Variants in VWF observed in about 807,000 individuals in gnomAD.
VWF encodes Factor VIII related antigen.
In VWF, 176 loss-of-function variants were observed where a neutral mutation model predicts 308.6. That is an observed-to-expected ratio of 0.57 (90% confidence interval 0.50 to 0.65). The LOEUF is 0.65. Among genes scored for constraint, VWF ranks in the 30% least tolerant of loss-of-function variants. The pLI is 0.00. For synonymous variants in VWF, 1,385 were observed against 1,443.4 expected, an observed-to-expected ratio of 0.96 and a Z score of 0.92; for missense variants, 3,146 against 3,648.2, an observed-to-expected ratio of 0.86 and a Z score of 3.55.
chr12:6,061,992 T>A (rs1219381713), intron 13 of VWF, among the ~76,000 whole-genome samples: 2 of 152,208 alleles, frequency 1.3e-5, no homozygotes, highest in Non-Finnish European at 2.9e-5. Context: ...GGCAAACAGT[T>A]ACTTTTCCCC....
rs61754003 is a variant in VWF, at chr12:6,072,347, G to A, written c.1093C>T (p.Arg365Ter). 10 of 1,614,040 alleles carry A rather than the reference G, an allele frequency of 6.2e-6. No homozygotes were observed. The highest frequency in any genetic ancestry group is 8.5e-6 in the Non-Finnish European group (10 of 1,180,014). Reference sequence around the variant, plus strand: ...CCCCATTACCAGGTGTTGCAGTCTCGAGAGAGGGAGGTGCCGGGAGGGTAG... The same window carrying A: ...CCCCATTACCAGGTGTTGCAGTCTCAAGAGAGGGAGGTGCCGGGAGGGTAG... ...KRYPPGTSLS[R>*]DCNTCICRNS... The change falls in exon 9 of 52, where the codon CGA becomes TGA. Residue 365 changes from arginine to a stop codon, truncating the protein, a stop_gained. Coordinates refer to ENST00000261405, the MANE Select transcript of VWF (RefSeq NM_000552.5). LOFTEE classifies it high-confidence loss of function.
chr12:5,982,326 C>G (rs780320855), intron 41 of VWF, among the ~76,000 whole-genome samples: 19 of 152,038 alleles, frequency 1.2e-4, no homozygotes, highest in Non-Finnish European at 2.2e-4. Flanking sequence ...ATCTCTAAGT[C>G]CAGTAGGTCT....
chr12:6,068,780 C>T (rs923964778), intron 10 of VWF, among the ~76,000 whole-genome samples: 2 of 150,948 alleles, frequency 1.3e-5, no homozygotes, highest in African/African-American at 4.9e-5. Flanking sequence ...TGAGCTGCCG[C>T]GCCTGGCCCA....
chr12:5,990,991 G>T (rs1943735396), intron 38 of VWF, among the ~76,000 whole-genome samples: 1 of 149,130 alleles, frequency 6.7e-6, no homozygotes, highest in Non-Finnish European at 1.5e-5. Flanking sequence ...GAAAGAGCCA[G>T]ATCTTTGGAG....
intron 21 of VWF, among the ~76,000 whole-genome samples, chr12:6,030,848 C>T (rs1246927945): frequency 1.3e-5 from 2 of 152,014 alleles, no homozygotes; most frequent in Admixed American, 1.3e-4. Context: ...GCCAACATGG[C>T]GAAATCCTAT....
chr12:6,101,431 G>A (rs1456262758), intron 5 of VWF, among the ~76,000 whole-genome samples: 4 of 143,058 alleles, frequency 2.8e-5, no homozygotes, highest in East Asian at 3.9e-4. Context: ...GAGGGATAAA[G>A]AGCTTAAAAA....
chr12:5,964,274 GCATA>G (rs59202475), intron 47 of VWF, among the ~76,000 whole-genome samples: 10 of 134,800 alleles, frequency 7.4e-5, no homozygotes, highest in South Asian at 2.4e-4. Flanking sequence ...ATACATACAT[GCATA>G]CATACATGCA....
chr12:6,092,264 C>T (rs1471666949), intron 6 of VWF, among the ~76,000 whole-genome samples: 2 of 152,126 alleles, frequency 1.3e-5, no homozygotes, highest in Non-Finnish European at 2.9e-5. Flanking sequence ...ATACCCTCTC[C>T]CTCGCTAACC....
rs57349683 is a variant in VWF at position 6,016,279 on chromosome 12, C to G, written c.5312-47G>C. On this transcript the variant is annotated intron_variant, in intron 30 of 51. Transcript: ENST00000261405. The stretch of plus-strand genomic sequence containing the variant: ...CGCCAAGTCAGTACTGACTGCGGCT[C>G]GACACCCTGTCTTAACGGTGGATCC... 21,561 of 1,613,824 alleles carry G rather than the reference C, an allele frequency of 0.013. 2,094 individuals are homozygous for G. The African/African-American group carries it at 0.23, about 17-fold the overall frequency.
rs1944687680 is a variant in VWF at position 6,064,316 on chromosome 12, G to A, written c.1362C>T (p.Ser454=). The change falls in exon 12 of 52, where the codon AGC becomes AGT. Residue 454 remains serine (S), a synonymous_variant. Transcript: ENST00000261405. The part of the protein sequence containing the change: ...VTVRLPGLHN[S]LVKLKHGAGV... Reference sequence around the variant, plus strand: ...CTGCCCCATGCTTCAGTTTCACAAGGCTGTTGTGCAGGCCAGGCAGCCGGA... The same window carrying A: ...CTGCCCCATGCTTCAGTTTCACAAGACTGTTGTGCAGGCCAGGCAGCCGGA... 1 of 1,614,180 alleles carries A rather than the reference G, an allele frequency of 6.2e-7. No individual in the cohort carries two copies. The highest frequency in any genetic ancestry group is 1.3e-5 in the African/African-American group (1 of 75,062).
intron 2 of VWF, among the ~76,000 whole-genome samples, chr12:6,121,828 G>C (rs537493978): frequency 1.4e-4 from 22 of 152,154 alleles, no homozygotes; most frequent in Non-Finnish European, 2.8e-4. Flanking sequence ...CTACTGGTGA[G>C]GCTGAGGCAG....
intron 15 of VWF, among the ~76,000 whole-genome samples, chr12:6,055,329 T>A (rs144980482): frequency 7.9e-5 from 12 of 152,342 alleles, no homozygotes; most frequent in Non-Finnish European, 1.3e-4. Context: ...AGCATCTCAT[T>A]CACTCCTCAT....
At chr12:5,987,733 C>T (rs187341621) in intron 38 of VWF, among the ~76,000 whole-genome samples, 33 of 152,290 alleles carry the variant, frequency 2.2e-4, no homozygotes, top group Admixed American at 2.0e-3. Flanking sequence ...GTGAAGGAAG[C>T]CAGGCAGAAA....
chr12:5,968,239 T>C, intron 45 of VWF, 72 bp from the exon 46 acceptor site: 1 of 1,583,578 alleles, frequency 6.3e-7, no homozygotes, highest in Non-Finnish European at 8.6e-7. Flanking sequence ...CAGGCTGCTC[T>C]CTTTGGGGCT....
At chr12:5,964,341 A>G (rs942301764) in intron 47 of VWF, among the ~76,000 whole-genome samples, 1 of 143,360 alleles carries the variant, frequency 7.0e-6, no homozygotes, top group Non-Finnish European at 1.6e-5. Flanking sequence ...ATCATTCCCT[A>G]AAAATTATTA....
intron 27 of VWF, chr12:6,021,649 G>A (rs1281901704): frequency 1.2e-5 from 6 of 487,778 alleles, no homozygotes; most frequent in Non-Finnish European, 3.6e-6. Flanking sequence ...CCTATTAAGA[G>A]CAAAAACACT....
At chr12:6,121,028 G>T in intron 3 of VWF, 146 bp downstream of exon 3, 1 of 1,135,934 alleles carries the variant, frequency 8.8e-7, no homozygotes, top group Non-Finnish European at 1.3e-6. Context: ...GGGGCTACGT[G>T]TCACAGAAAG....
intron 11 of VWF, 26 bp downstream of exon 11, chr12:6,065,111 C>A (rs1396592341): frequency 1.2e-6 from 2 of 1,613,924 alleles, no homozygotes; most frequent in Non-Finnish European, 1.7e-6. Context: ...TACCACCCGA[C>A]CAGCAGCCGG....
chr12:5,962,740 G>C (rs762833574), intron 47 of VWF, among the ~76,000 whole-genome samples: 1 of 152,004 alleles, frequency 6.6e-6, no homozygotes, highest in Non-Finnish European at 1.5e-5. Flanking sequence ...TAGTAGAGAA[G>C]GGGTTTCACC....
Sources: allele counts gnomAD v4.1 joint callset (sites outside exome capture counted in the v4.1 genomes callset), GRCh38; gene constraint gnomAD v4.1.1; transcripts MANE v1.5; gene names NCBI Gene and HGNC (gene_info 2026-07-23, HGNC 2026-07-21).